Variants in AP2A2 observed in about 807,000 individuals in gnomAD.
The protein encoded by AP2A2 is AP-2 complex subunit alpha-2.
AP2A2 carries 32 observed loss-of-function variants against 104.2 expected under a neutral mutation model. That is an observed-to-expected ratio of 0.31 (90% CI 0.23 to 0.41). The LOEUF is 0.41. AP2A2 is among the 10% of genes least tolerant of loss of function. AP2A2 has a pLI of 1.00. For synonymous variants in AP2A2, 539 were observed against 533.3 expected, an observed-to-expected ratio of 1.01 and a Z score of -0.15; for missense variants, 912 against 1,261.0, an observed-to-expected ratio of 0.72 and a Z score of 4.19.
intron 6 of AP2A2, among the ~76,000 whole-genome samples, chr11:983,536 C>G (rs184861425): frequency 2.0e-5 from 3 of 151,884 alleles, no homozygotes; most frequent in African/African-American, 7.3e-5. Context: ...GCGCCCGCCA[C>G]CATGCCTGGC....
chr11:999,952 C>T (rs1590016083), intron 14 of AP2A2, among the ~76,000 whole-genome samples: 1 of 152,022 alleles, frequency 6.6e-6, no homozygotes, highest in African/African-American at 2.4e-5. Context: ...TACAGGCGCC[C>T]ACCACCACGC....
chr11:958,821 A>G (rs1854328733), intron 1 of AP2A2, among the ~76,000 whole-genome samples: 1 of 152,104 alleles, frequency 6.6e-6, no homozygotes, highest in Non-Finnish European at 1.5e-5. Flanking sequence ...CAGCATGCGA[A>G]TTTTGAGGGG....
chr11:989,354 G>A (rs1855570837), intron 10 of AP2A2, among the ~76,000 whole-genome samples: 1 of 151,836 alleles, frequency 6.6e-6, no homozygotes, highest in Non-Finnish European at 1.5e-5. Context: ...AAACTAAAAT[G>A]CCCGTCCTGC....
chr11:927,261 C>T (rs368993274), intron 1 of AP2A2, among the ~76,000 whole-genome samples: 105 of 151,764 alleles, frequency 6.9e-4, no homozygotes, highest in African/African-American at 2.4e-3. Flanking sequence ...GGGGGGGTCT[C>T]GCCATGTTGC....
chr11:990,783 C>T (rs1269105584), intron 10 of AP2A2, among the ~76,000 whole-genome samples: 3 of 148,306 alleles, frequency 2.0e-5, no homozygotes, highest in South Asian at 2.2e-4. Flanking sequence ...CCCCCCACCC[C>T]GTCCTTTCAT....
intron 15 of AP2A2, 46 bp downstream of exon 15, chr11:1,000,644 GC>G: frequency 6.6e-7 from 1 of 1,514,146 alleles, no homozygotes; most frequent in Non-Finnish European, 8.8e-7. Flanking sequence ...GGGCTGCCGT[GC>G]CCCCTGACTT....
Position 988,593 on chromosome 11 carries a change from CCT to C in AP2A2, c.1176_1177del (p.Tyr393ArgfsTer23), listed in dbSNP as rs763234910. The C allele has an allele frequency of 6.2e-7, 1 of 1,613,154 alleles. No individual in the cohort carries two copies. Among genetic ancestry groups the C allele is most frequent in the Non-Finnish European group, 8.5e-7 (1 of 1,179,900 alleles). On this transcript the variant is annotated frameshift_variant, in exon 10 of 22. Coordinates refer to ENST00000448903, the MANE Select transcript of AP2A2 (RefSeq NM_012305.4). LOFTEE classifies it high-confidence loss of function. ...GCGTGCGGCAGCGGGCCGTGGACCT[CCT>C]CTACGCCATGTGCGACCGCAGCAAC... ...VSVRQRAVDL[L>X]YAMCDRSNAP...
intron 1 of AP2A2, among the ~76,000 whole-genome samples, chr11:935,536 A>T (rs1312655467): frequency 6.7e-6 from 1 of 148,596 alleles, no homozygotes; most frequent in Non-Finnish European, 1.5e-5. Flanking sequence ...TCCTGACCTC[A>T]AGTGATGCGC....
chr11:986,777 C>G lies in AP2A2; in HGVS notation c.963-8C>G. On this transcript the variant is annotated splice_region_variant and splice_polypyrimidine_tract_variant and intron_variant, in intron 8 of 21. Coordinates refer to ENST00000448903, the MANE Select transcript of AP2A2 (RefSeq NM_012305.4). Reference sequence around the variant, plus strand: ...GAAACCCCACCCACTTCCCCTCCCTCCACACAGTGAGCCGAACCTGCTCGT... The same window carrying G: ...GAAACCCCACCCACTTCCCCTCCCTGCACACAGTGAGCCGAACCTGCTCGT... The G allele has an allele frequency of 6.2e-7, 1 of 1,612,414 alleles. No individual in the cohort carries two copies.
rs931742641 is a variant in AP2A2 at position 992,870 on chromosome 11, C to T, written c.1452+185C>T. Among the ~76,000 whole-genome samples, 1 of 152,160 alleles carries T rather than the reference C, an allele frequency of 6.6e-6. No homozygotes were observed. The highest frequency in any genetic ancestry group is 2.4e-5 in the African/African-American group (1 of 41,440). ...GCCCCTTGCTGAGTCCCAGTTTCTT[C>T]TCACCCTAACTCTCAAACTTCTGGC... On this transcript the variant is annotated intron_variant, in intron 11 of 21. Coordinates refer to ENST00000448903, the MANE Select transcript of AP2A2 (RefSeq NM_012305.4). This position sits in a 1 kb window ranked among gnomAD's most constrained non-coding sequence, Gnocchi z 6.4.
chr11:938,060 G>C (rs1343666862), intron 1 of AP2A2, among the ~76,000 whole-genome samples: 1 of 152,220 alleles, frequency 6.6e-6, no homozygotes, highest in Non-Finnish European at 1.5e-5. Context: ...CAAAACGCAT[G>C]CTTATTGGTT....
At chr11:988,327 C>G (rs1345706978) in intron 9 of AP2A2, among the ~76,000 whole-genome samples, 1 of 152,250 alleles carries the variant, frequency 6.6e-6, no homozygotes, top group Non-Finnish European at 1.5e-5. Flanking sequence ...GCGCTGGGTC[C>G]TAGCGAAGCT....
At chr11:982,727 C>A (rs1437721273) in intron 6 of AP2A2, among the ~76,000 whole-genome samples, 1 of 151,444 alleles carries the variant, frequency 6.6e-6, no homozygotes, top group Non-Finnish European at 1.5e-5. Flanking sequence ...CTCGGCTCAC[C>A]ATAATCTCTG....
At position 1,000,596 on chromosome 11, in the gene AP2A2, C is replaced by A; in HGVS notation, c.2121C>A (p.Ala707=). ...PLAPGSEDNF[A]RFVCKNNGVL... ...CTCCTGGCTCCGAAGACAACTTTGC[C>A]AGGTAGTCAGGTTTCCTGAGTCCTG... Residue 707 remains alanine, a splice_region_variant and synonymous_variant, in exon 15 of 22, where the codon GCC becomes GCA. Coordinates refer to ENST00000448903, the MANE Select transcript of AP2A2 (RefSeq NM_012305.4). The A allele has an allele frequency of 1.9e-6, 3 of 1,542,196 alleles. No individual in the cohort carries two copies. The South Asian group carries it at 3.6e-5, about 18-fold the overall frequency.
chr11:931,353 C>G (rs1853286761), intron 1 of AP2A2, among the ~76,000 whole-genome samples: 1 of 152,174 alleles, frequency 6.6e-6, no homozygotes, highest in African/African-American at 2.4e-5. Context: ...TTGTATCTAA[C>G]TTAGTGAATG....
At chr11:966,066 G>A (rs1854605759) in intron 2 of AP2A2, among the ~76,000 whole-genome samples, 1 of 152,176 alleles carries the variant, frequency 6.6e-6, no homozygotes, top group Non-Finnish European at 1.5e-5. Flanking sequence ...ACAAATTCAT[G>A]GCCTCAGGTG....
chr11:983,031 T>C (rs1172548804), intron 6 of AP2A2, among the ~76,000 whole-genome samples: 1 of 146,206 alleles, frequency 6.8e-6, no homozygotes, highest in Non-Finnish European at 1.5e-5. Flanking sequence ...TTTTTTTTTT[T>C]TTTTTTTGAG....
At chr11:998,127 G>A (rs1222543875) in intron 14 of AP2A2, among the ~76,000 whole-genome samples, 7 of 152,258 alleles carry the variant, frequency 4.6e-5, no homozygotes, top group Non-Finnish European at 8.8e-5. Context: ...GGAGCAAAGC[G>A]CCGCCTTCAG....
At chr11:933,032 G>A (rs1308664106) in intron 1 of AP2A2, among the ~76,000 whole-genome samples, 1 of 152,218 alleles carries the variant, frequency 6.6e-6, no homozygotes, top group Non-Finnish European at 1.5e-5. Context: ...CACTTCGGGA[G>A]TCCGAGCCAG....
Sources: allele counts gnomAD v4.1 joint callset (sites outside exome capture counted in the v4.1 genomes callset), GRCh38; gene constraint gnomAD v4.1.1; non-coding constraint Gnocchi (gnomAD v3.1); transcripts MANE v1.5; gene names NCBI Gene and HGNC (gene_info 2026-07-23, HGNC 2026-07-21).